Variants in HPSE2 observed in about 807,000 individuals in gnomAD.
HPSE2 encodes the protein heparanase 2 (inactive), also known as inactive heparanase-2.
In HPSE2, 38 loss-of-function variants were observed where a neutral mutation model predicts 60.5. The ratio of observed to expected loss-of-function variants is 0.63; its 90% confidence interval spans 0.48 to 0.82. The LOEUF is 0.82. Ranked by LOEUF, HPSE2 falls within the 40% of genes least tolerant of loss-of-function variation. The probability of loss-of-function intolerance (pLI) is 0.00; values close to 1 mark genes in which losing one functional copy is unlikely to be tolerated. For missense variants in HPSE2, 713 were observed against 740.4 expected (o/e 0.96, Z 0.43); for synonymous variants, 295 against 293.2 (o/e 1.01, Z -0.06).
intron 3 of HPSE2, among the ~76,000 whole-genome samples, chr10:98,800,605 C>T (rs58351371): frequency 0.013 from 2,034 of 151,364 alleles, 40 homozygotes; most frequent in African/African-American, 0.046. Flanking sequence ...AACTATATGC[C>T]AGTAAATTGG....
chr10:98,561,865 CAAACA>C (rs541131343), intron 9 of HPSE2, among the ~76,000 whole-genome samples: 4,356 of 151,988 alleles, frequency 0.029, 79 homozygotes, highest in Non-Finnish European at 0.046. Context: ...AACAAACAAA[CAAACA>C]AAAAACCCAA....
At chr10:98,543,391 C>T (rs1157690799) in intron 9 of HPSE2, among the ~76,000 whole-genome samples, 1 of 151,992 alleles carries the variant, frequency 6.6e-6, no homozygotes, top group Non-Finnish European at 1.5e-5. Flanking sequence ...AATGTAAAGA[C>T]CAACGAGACT....
intron 3 of HPSE2, among the ~76,000 whole-genome samples, chr10:98,964,349 AAATTG>A (rs1343650447): frequency 6.6e-6 from 1 of 152,182 alleles, no homozygotes; most frequent in African/African-American, 2.4e-5. Flanking sequence ...AAGTGGAATT[AAATTG>A]AACTACTTGG....
chr10:98,467,546 G>A (rs1940591335), intron 11 of HPSE2, among the ~76,000 whole-genome samples: 1 of 152,158 alleles, frequency 6.6e-6, no homozygotes, highest in Non-Finnish European at 1.5e-5. Context: ...AAGTCCGACT[G>A]TGTGTTTGTA....
intron 9 of HPSE2, among the ~76,000 whole-genome samples, chr10:98,527,439 T>C (rs1450899709): frequency 6.6e-6 from 1 of 152,170 alleles, no homozygotes; most frequent in Non-Finnish European, 1.5e-5. Context: ...CTTTCCTCTC[T>C]GTTCTTTGAA....
the HPSE2 span, among the ~76,000 whole-genome samples, chr10:99,302,800 G>T: frequency 1.7e-3 from 251 of 151,698 alleles, 2 homozygotes; most frequent in Non-Finnish European, 3.2e-4. Flanking sequence ...CTTTGTGCCT[G>T]TAATGGCCCA....
At chr10:99,226,802 T>C (rs569206612) in intron 2 of HPSE2, among the ~76,000 whole-genome samples, 2 of 152,186 alleles carry the variant, frequency 1.3e-5, no homozygotes, top group South Asian at 2.1e-4. Flanking sequence ...TTTAAGGCTA[T>C]GCAAATATCC....
intron 3 of HPSE2, among the ~76,000 whole-genome samples, chr10:99,111,584 C>T (rs2135680018): frequency 6.6e-6 from 1 of 152,312 alleles, no homozygotes; most frequent in East Asian, 1.9e-4. Context: ...TTCCAAACCA[C>T]ATATCTACAG....
chr10:98,555,539 C>T (rs1407452031), intron 9 of HPSE2, among the ~76,000 whole-genome samples: 1 of 152,184 alleles, frequency 6.6e-6, no homozygotes, highest in Non-Finnish European at 1.5e-5. Flanking sequence ...CCATTAACAC[C>T]TCTTGTCTTG....
rs140841159 is a variant in HPSE2, at chr10:99,033,860, T to C, written c.610+110378A>G. On this transcript the variant is annotated intron_variant, in intron 3 of 11. Coordinates refer to ENST00000370552, the MANE Select transcript of HPSE2 (RefSeq NM_021828.5). ...AAGGACAAAGACTAACCAAAATCCT[T>C]ATACACTCCTGGTAGAAATGCAAAT... 2.6e-3 allele frequency among the ~76,000 whole-genome samples: 401 copies of C among 152,130 alleles called. 2 individuals are homozygous for C. Among genetic ancestry groups the C allele is most frequent in the Middle Eastern group, 0.02 (6 of 294 alleles).
Position 98,810,197 on chromosome 10 carries a change from C to T in HPSE2, c.611-66141G>A, listed in dbSNP as rs555950593. On this transcript the variant is annotated intron_variant, in intron 3 of 11. Coordinates refer to ENST00000370552, the MANE Select transcript of HPSE2 (RefSeq NM_021828.5). ...GATCAGGTGTCTTCCTCTATTATAA[C>T]ACTTGTCATACTCTACCGAAATTGT... Among the ~76,000 whole-genome samples, 6 of 152,166 alleles carry T rather than the reference C, an allele frequency of 3.9e-5. No individual in the cohort carries two copies. In the East Asian group the frequency reaches 5.8e-4, roughly 15 times the overall value.
intron 3 of HPSE2, among the ~76,000 whole-genome samples, chr10:99,016,217 T>C (rs1011421041): frequency 2.6e-5 from 4 of 152,230 alleles, no homozygotes; most frequent in Non-Finnish European, 5.9e-5. Flanking sequence ...ATATATGGTA[T>C]AAGGAAAGGT....
intron 3 of HPSE2, among the ~76,000 whole-genome samples, chr10:99,009,256 A>C (rs1265832895): frequency 2.6e-5 from 4 of 151,336 alleles, no homozygotes; most frequent in South Asian, 2.1e-4. Context: ...AAAAAAAAAA[A>C]AAAAAAAAAA....
intron 3 of HPSE2, among the ~76,000 whole-genome samples, chr10:99,119,699 T>C (rs912261778): frequency 1.3e-5 from 2 of 152,146 alleles, no homozygotes; most frequent in East Asian, 3.9e-4. Context: ...CAAACTATGC[T>C]ACAGAACTAC....
At chr10:98,940,793 T>G (rs1954972043) in intron 3 of HPSE2, among the ~76,000 whole-genome samples, 1 of 141,924 alleles carries the variant, frequency 7.0e-6, no homozygotes, top group African/African-American at 2.9e-5. Context: ...AAGAGAATTT[T>G]AAACCAATAT....
Position 98,850,825 on chromosome 10 carries a change from C to CT in HPSE2, c.611-106770dup, listed in dbSNP as rs537237553. Among the ~76,000 whole-genome samples the CT allele has an allele frequency of 1.1e-4, 17 of 151,362 alleles. No homozygotes were observed. The South Asian group carries it at 3.3e-3, about 30-fold the overall frequency. Reference sequence around the variant, plus strand: ...ATATTGCTACAGTTTGATGCAATAGCTGCAAACTGCAATTTTATAAATGAG... The same window carrying CT: ...ATATTGCTACAGTTTGATGCAATAGCTTGCAAACTGCAATTTTATAAATGAG... On this transcript the variant is annotated intron_variant, in intron 3 of 11. Coordinates refer to ENST00000370552, the MANE Select transcript of HPSE2 (RefSeq NM_021828.5).
intron 3 of HPSE2, among the ~76,000 whole-genome samples, chr10:99,113,077 G>A (rs1844536246): frequency 6.6e-6 from 1 of 152,138 alleles, no homozygotes; most frequent in African/African-American, 2.4e-5. Context: ...TCTGAGACAT[G>A]AGCTTATTTA....
intron 3 of HPSE2, among the ~76,000 whole-genome samples, chr10:98,752,965 T>C (rs1463594800): frequency 6.6e-6 from 1 of 152,224 alleles, no homozygotes; most frequent in Non-Finnish European, 1.5e-5. Context: ...TGCATGATTT[T>C]ACTCATATGT....
At chr10:99,312,913 C>T in the HPSE2 span, among the ~76,000 whole-genome samples, 1 of 152,138 alleles carries the variant, frequency 6.6e-6, no homozygotes, top group Non-Finnish European at 1.5e-5. Context: ...TGGAGATGGG[C>T]TTCTCATGAA....
Sources: gnomAD v4.1 joint callset for allele counts (sites outside exome capture counted in the v4.1 genomes callset) on GRCh38, gnomAD v4.1.1 for gene constraint, MANE v1.5 for transcripts, NCBI Gene and HGNC (gene_info 2026-07-23, HGNC 2026-07-21) for gene names.